The following ARFGEF1 variants were observed in gnomAD, a reference collection of about 807,000 sequenced individuals.
The protein encoded by ARFGEF1 is brefeldin A-inhibited guanine nucleotide-exchange protein 1.
Under a neutral mutation model 231.0 loss-of-function variants are expected in ARFGEF1, and 42 were observed. The observed-to-expected ratio is 0.18, with a 90% CI of 0.14 to 0.24. The LOEUF is 0.24. ARFGEF1 is among the 10% of genes least tolerant of loss of function. ARFGEF1 has a pLI of 1.00. For synonymous variants in ARFGEF1, 710 were observed against 732.3 expected (o/e 0.97, Z 0.49); for missense variants, 1,345 against 2,192.0 (o/e 0.61, Z 7.72).
chr8:67,236,412 G>C (rs1353800405), intron 22 of ARFGEF1, among the ~76,000 whole-genome samples: 3 of 60,860 alleles, frequency 4.9e-5, no homozygotes, highest in Non-Finnish European at 9.3e-5. Flanking sequence ...ATATATATAT[G>C]TATCCACTGT....
intron 33 of ARFGEF1, among the ~76,000 whole-genome samples, chr8:67,214,501 C>T (rs1838858777): frequency 6.6e-6 from 1 of 152,198 alleles, no homozygotes; most frequent in African/African-American, 2.4e-5. Flanking sequence ...GATCTTGTGC[C>T]TATCGAGATT....
At chr8:67,211,345 C>CAAAAA (rs375793043) in intron 34 of ARFGEF1, 138 bp downstream of exon 34, 148 of 247,096 alleles carry the variant, frequency 6.0e-4, no homozygotes, top group African/African-American at 3.4e-3. Context: ...AACTCCGTCT[C>CAAAAA]AAAAAAAAAA....
intron 22 of ARFGEF1, among the ~76,000 whole-genome samples, chr8:67,235,072 A>G (rs890991490): frequency 2.6e-4 from 30 of 114,636 alleles, no homozygotes; most frequent in African/African-American, 6.5e-4. Flanking sequence ...GTATGTGTGT[A>G]TATATATATA....
rs1243671914 is a variant in ARFGEF1, at chr8:67,220,899, T to TTC, written c.4209-1340_4209-1339insGA. 2.8e-5 allele frequency among the ~76,000 whole-genome samples: 4 copies of TTC among 142,756 alleles called. No individual in the cohort carries two copies. In the East Asian group the frequency reaches 7.8e-4, roughly 28 times the overall value. The allele number at this position is 142,756 out of a possible 152,430, so 93.7% of individuals were successfully genotyped here. A position where few individuals can be genotyped will look rare whatever the true frequency, so the allele number is the denominator to read the frequency against. On this transcript the variant is annotated intron_variant, in intron 29 of 38. Coordinates refer to ENST00000262215, the MANE Select transcript of ARFGEF1 (RefSeq NM_006421.5). Reference sequence around the variant, plus strand: ...GGAAAATGTCTTTTTTTCCTTTTCTTTTTTTTTTTTTTTAAAGCCATACTT... The same window carrying TTC: ...GGAAAATGTCTTTTTTTCCTTTTCTTTCTTTTTTTTTTTTTAAAGCCATACTT...
intron 5 of ARFGEF1, among the ~76,000 whole-genome samples, chr8:67,183,478 A>C (rs1218668597): frequency 6.6e-6 from 1 of 152,218 alleles, no homozygotes; most frequent in Non-Finnish European, 1.5e-5. Flanking sequence ...ATAAACTAGA[A>C]ATCAATAACA....
rs35826179 is a variant in ARFGEF1 at position 67,222,227 on chromosome 8, ATATGTATG to A, written c.4208+2668_4209-2668del. ...TATACACACACATATATATATATGTATATGTATGTATGTATGTATGTATGTATGTATGT... is the reference window on the plus strand; with the variant it reads ...TATACACACACATATATATATATGTATATGTATGTATGTATGTATGTATGT... On this transcript the variant is annotated intron_variant, in intron 29 of 38. Transcript: ENST00000262215. Among the ~76,000 whole-genome samples, 700 of 114,960 alleles carry A rather than the reference ATATGTATG, an allele frequency of 6.1e-3. 2 individuals carry two copies. The highest frequency in any genetic ancestry group is 8.6e-3 in the African/African-American group (246 of 28,766). The allele number at this position is 114,960 out of a possible 152,430, so 75.4% of individuals were successfully genotyped here.
chr8:67,276,241 A>T, intron 8 of ARFGEF1, 132 bp from the exon 9 acceptor site: 1 of 932,828 alleles, frequency 1.1e-6, no homozygotes, highest in Non-Finnish European at 1.6e-6. Flanking sequence ...GAACCAGATG[A>T]GGGAATCTGC....
intron 1 of ARFGEF1, among the ~76,000 whole-genome samples, chr8:67,306,447 GGAAA>G (rs1806748646): frequency 6.6e-6 from 1 of 152,102 alleles, no homozygotes; most frequent in African/African-American, 2.4e-5. Context: ...TTAATAAACA[GGAAA>G]GACTTTTTTT....
chr8:67,282,450 A>T (rs755825190), intron 7 of ARFGEF1, among the ~76,000 whole-genome samples: 8 of 152,210 alleles, frequency 5.3e-5, no homozygotes, highest in African/African-American at 9.6e-5. Context: ...AGTGTATTTT[A>T]TAATCTTAGG....
intron 1 of ARFGEF1, among the ~76,000 whole-genome samples, chr8:67,304,710 T>C (rs1026617082): frequency 6.6e-6 from 1 of 152,136 alleles, no homozygotes; most frequent in Non-Finnish European, 1.5e-5. Flanking sequence ...TCCCAGCTAC[T>C]TGGGAGGCTG....
chr8:67,206,698 C>T (rs1351314457), intron 34 of ARFGEF1, among the ~76,000 whole-genome samples: 2 of 152,320 alleles, frequency 1.3e-5, no homozygotes, highest in Non-Finnish European at 2.9e-5. Flanking sequence ...GCTGCTGCCA[C>T]GCAGCCCAGG....
chr8:67,335,605 T>C (rs773429640), intron 1 of ARFGEF1, among the ~76,000 whole-genome samples: 5 of 152,204 alleles, frequency 3.3e-5, no homozygotes, highest in Admixed American at 6.5e-5. Flanking sequence ...TTATTATTTC[T>C]TAGCAAAGTT....
Position 67,228,102 on chromosome 8 carries a change from GAC to G in ARFGEF1, c.3450_3451del (p.Ser1151TyrfsTer3), listed in dbSNP as rs1839435696. Reference sequence around the variant, plus strand: ...TGTCGTGGAAAGTAATTCATCCATAGACACAGCACAGAGCCAACGGACAAAAT... The same window carrying G: ...TGTCGTGGAAAGTAATTCATCCATAGACAGCACAGAGCCAACGGACAAAAT... On this transcript the variant is annotated frameshift_variant, in exon 25 of 39. Transcript: ENST00000262215. LOFTEE classifies it high-confidence loss of function. 6.2e-7 allele frequency: 1 copy of G among 1,609,852 alleles called. No individual in the cohort carries two copies. Among genetic ancestry groups the G allele is most frequent in the African/African-American group, 1.3e-5 (1 of 74,536 alleles).
intron 1 of ARFGEF1, among the ~76,000 whole-genome samples, chr8:67,334,353 TC>T (rs1478006649): frequency 1.3e-5 from 2 of 150,158 alleles, no homozygotes; most frequent in Non-Finnish European, 3.0e-5. Flanking sequence ...GGATATTTAA[TC>T]TGTACTTCAA....
intron 18 of ARFGEF1, among the ~76,000 whole-genome samples, chr8:67,252,447 T>A (rs190137775): frequency 2.6e-3 from 391 of 152,248 alleles, no homozygotes; most frequent in Non-Finnish European, 3.7e-3. Context: ...CAGCTTCTCT[T>A]ATTTCCTACC....
At chr8:67,331,287 A>C (rs1808086665) in intron 1 of ARFGEF1, among the ~76,000 whole-genome samples, 1 of 152,096 alleles carries the variant, frequency 6.6e-6, no homozygotes, top group Non-Finnish European at 1.5e-5. Context: ...GTGTCCTCCC[A>C]AAAAAATCAC....
At chr8:67,302,906 T>TAAAA (rs139020447) in intron 1 of ARFGEF1, among the ~76,000 whole-genome samples, 19 of 102,040 alleles carry the variant, frequency 1.9e-4, no homozygotes, top group African/African-American at 3.7e-4. Context: ...CCCCATCTCT[T>TAAAA]AAAAAAAAAA....
chr8:67,219,526 A>T lies in ARFGEF1; in HGVS notation c.4243T>A (p.Tyr1415Asn). 1 of 1,610,098 alleles carries T rather than the reference A, an allele frequency of 6.2e-7. No individual in the cohort carries two copies. Among genetic ancestry groups the T allele is most frequent in the Non-Finnish European group, 8.5e-7 (1 of 1,178,254 alleles). The change falls in exon 30 of 39, where the codon TAT becomes AAT. Residue 1415 changes from tyrosine to asparagine, a missense_variant. Physicochemically the swap from Tyr to Asn is moderately radical, Grantham distance 143 (BLOSUM62 -2). This residue lies in a region of ARFGEF1 where 142 missense variants were observed against 227.3 expected (regional missense o/e 0.62). Transcript: ENST00000262215. ...LTVMFEIMKTYGHTYEKHWWQ... is the reference protein window; with the variant it reads ...LTVMFEIMKTNGHTYEKHWWQ... ...CAGTGTTTCTCATAAGTGTGGCCAT[A>T]TGTTTTCATTATTTCAAACATTACT...
chr8:67,259,881 T>C lies in ARFGEF1; in HGVS notation c.2169A>G (p.Gln723=). The change falls in exon 15 of 39, where the codon CAA becomes CAG. Residue 723 remains glutamine (Q), a synonymous_variant. Transcript: ENST00000262215. The part of the protein sequence containing the change: ...PKRGIQYLQE[Q]GMLGTTPEDI... ...CTTCAGGTGTGGTGCCAAGCATCCC[T>C]TGTTCTTGGAGGTACTGTATTCCTC... The C allele has an allele frequency of 1.2e-6, 2 of 1,613,218 alleles. No individual in the cohort carries two copies. The highest frequency in any genetic ancestry group is 1.7e-6 in the Non-Finnish European group (2 of 1,179,446).
Sources: allele counts gnomAD v4.1 joint callset (sites outside exome capture counted in the v4.1 genomes callset), GRCh38; gene constraint gnomAD v4.1.1; regional missense constraint gnomAD v4.1.1; transcripts MANE v1.5; gene names NCBI Gene and HGNC (gene_info 2026-07-23, HGNC 2026-07-21).